The following ATXN1 variants were observed in gnomAD, a reference collection of about 807,000 sequenced individuals.
ATXN1 encodes the protein ataxin-1.
Under a neutral mutation model 56.4 loss-of-function variants are expected in ATXN1, and 8 were observed. That is an observed-to-expected ratio of 0.14 (90% CI 0.08 to 0.26). ATXN1 has a LOEUF of 0.26. Ranked by LOEUF, ATXN1 falls within the 10% of genes least tolerant of loss-of-function variation. ATXN1 has a pLI of 1.00. For missense variants in ATXN1, 987 were observed against 1,106.5 expected (o/e 0.89, Z 1.53); for synonymous variants, 514 against 494.6 (o/e 1.04, Z -0.52).
At chr6:16,665,361 G>A (rs1001117990) in intron 2 of ATXN1, among the ~76,000 whole-genome samples, 11 of 152,078 alleles carry the variant, frequency 7.2e-5, no homozygotes, top group African/African-American at 2.7e-4. Flanking sequence ...TTAGTTCAGT[G>A]AATTATGCAA....
chr6:16,714,303 C>T (rs1211575245), intron 2 of ATXN1, among the ~76,000 whole-genome samples: 1 of 151,892 alleles, frequency 6.6e-6, no homozygotes, highest in Non-Finnish European at 1.5e-5. Context: ...GGTAGGCCGC[C>T]CATCACTAGA....
chr6:16,711,940 T>G (rs139394947), intron 2 of ATXN1, among the ~76,000 whole-genome samples: 1 of 150,496 alleles, frequency 6.6e-6, no homozygotes, highest in Non-Finnish European at 1.5e-5. Flanking sequence ...AAAAATGATA[T>G]GCTGAACAAA....
chr6:16,683,440 C>T lies in ATXN1; in HGVS notation c.-614-25539G>A, dbSNP rs554653439. ...TTCAACTTTCCACCTCTGTTAACTA[C>T]GCTGCAGAAACTTTTGACACTGAAC... On this transcript the variant is annotated intron_variant, in intron 2 of 7. Coordinates refer to ENST00000436367, the MANE Select transcript of ATXN1 (RefSeq NM_001128164.2). Among the ~76,000 whole-genome samples the T allele has an allele frequency of 1.2e-4, 18 of 152,340 alleles. 1 individual carries two copies. Among genetic ancestry groups the T allele is most frequent in the Admixed American group, 2.6e-4 (4 of 15,306 alleles).
At chr6:16,375,395 G>A (rs1279818156) in intron 6 of ATXN1, among the ~76,000 whole-genome samples, 4 of 152,204 alleles carry the variant, frequency 2.6e-5, no homozygotes, top group African/African-American at 9.6e-5. Context: ...TGAGGAAACA[G>A]CTGTCAACAA....
At chr6:16,508,811 T>C (rs1049907706) in intron 5 of ATXN1, among the ~76,000 whole-genome samples, 4 of 152,008 alleles carry the variant, frequency 2.6e-5, no homozygotes, top group Admixed American at 2.0e-4. Context: ...CTCAAATTTG[T>C]ACACCCACAT....
intron 6 of ATXN1, among the ~76,000 whole-genome samples, chr6:16,369,220 C>T (rs1482850481): frequency 6.6e-6 from 1 of 152,178 alleles, no homozygotes; most frequent in Non-Finnish European, 1.5e-5. Flanking sequence ...TCTCTTGTTG[C>T]TTTCTAAATA....
chr6:16,501,758 T>C (rs1358142041), intron 5 of ATXN1, among the ~76,000 whole-genome samples: 4 of 152,194 alleles, frequency 2.6e-5, no homozygotes, highest in African/African-American at 9.7e-5. Context: ...GTCTTTACTA[T>C]TGTAAATACT....
chr6:16,535,235 G>A (rs1761574923), intron 4 of ATXN1, among the ~76,000 whole-genome samples: 1 of 152,158 alleles, frequency 6.6e-6, no homozygotes, highest in South Asian at 2.1e-4. Flanking sequence ...ATTTCTGCAA[G>A]CCCCAGCACC....
At chr6:16,678,388 AT>A (rs1437675844) in intron 2 of ATXN1, among the ~76,000 whole-genome samples, 2 of 152,266 alleles carry the variant, frequency 1.3e-5, no homozygotes, top group African/African-American at 2.4e-5. Flanking sequence ...GCCACATAGT[AT>A]ACCAATCATT....
chr6:16,698,581 A>G (rs1759214668), intron 2 of ATXN1, among the ~76,000 whole-genome samples: 1 of 151,964 alleles, frequency 6.6e-6, no homozygotes, highest in Non-Finnish European at 1.5e-5. Context: ...CTGTTCTTGA[A>G]GTATGAGAAT....
At chr6:16,457,463 C>T (rs574651148) in intron 6 of ATXN1, among the ~76,000 whole-genome samples, 14 of 151,732 alleles carry the variant, frequency 9.2e-5, no homozygotes, top group South Asian at 2.1e-4. Context: ...ACCCTTGAAA[C>T]GCATCCTAAG....
chr6:16,553,470 C>T (rs1398559505), intron 4 of ATXN1, among the ~76,000 whole-genome samples: 2 of 152,144 alleles, frequency 1.3e-5, no homozygotes, highest in Non-Finnish European at 1.5e-5. Context: ...TTTCTCAGTG[C>T]ACGGTAATTG....
intron 2 of ATXN1, among the ~76,000 whole-genome samples, chr6:16,712,427 C>T (rs707848): frequency 0.52 from 78,803 of 151,868 alleles, 20,657 homozygotes; most frequent in South Asian, 0.68. Flanking sequence ...AGGGGAAGAA[C>T]GGTGGTCTGC....
intron 4 of ATXN1, among the ~76,000 whole-genome samples, chr6:16,577,060 T>C (rs901803088): frequency 1.3e-5 from 2 of 152,176 alleles, no homozygotes; most frequent in Non-Finnish European, 2.9e-5. Flanking sequence ...CGTTTCAGTC[T>C]TCATCATGTG....
chr6:16,422,676 C>A (rs1179086626), intron 6 of ATXN1, among the ~76,000 whole-genome samples: 2 of 152,192 alleles, frequency 1.3e-5, no homozygotes, highest in Admixed American at 1.3e-4. Flanking sequence ...ACCCAAGACA[C>A]ACCTATGCCT....
intron 3 of ATXN1, among the ~76,000 whole-genome samples, chr6:16,625,808 G>C (rs1763396716): frequency 6.6e-6 from 1 of 151,870 alleles, no homozygotes; most frequent in Non-Finnish European, 1.5e-5. Context: ...TGAGCATTCT[G>C]GCAATGAAAA....
intron 3 of ATXN1, among the ~76,000 whole-genome samples, chr6:16,625,886 T>A (rs1310778407): frequency 6.6e-6 from 1 of 152,204 alleles, no homozygotes; most frequent in East Asian, 1.9e-4. Flanking sequence ...TACATAAATG[T>A]TCTGATCCCC....
At position 16,306,520 on chromosome 6, in the gene ATXN1, G is replaced by C. The variant is rs16885; in HGVS notation, c.2257C>G (p.Pro753Ala). 13 of 1,614,070 alleles carry C rather than the reference G, an allele frequency of 8.1e-6. No homozygotes were observed. The East Asian group carries it at 2.9e-4, about 36-fold the overall frequency. ...ATTTTGGTGAGGAAGGGCGCTGCAG[G>C]CAATCCCATTTTCTCTGGAAACTTC... ...ELKFPEKMGL[P>A]AAPFLTKIEP... is the part of the protein sequence containing the mutation. Residue 753 changes from proline (P) to alanine (A), a missense_variant, in exon 8 of 8, where the codon CCT becomes GCT. Pro to Ala is a conservative substitution (Grantham distance 27). Transcript: ENST00000436367. This position sits in a 1 kb window ranked among gnomAD's most constrained non-coding sequence, Gnocchi z 5.2.
At chr6:16,583,807 A>G (rs1042751182) in intron 4 of ATXN1, among the ~76,000 whole-genome samples, 2 of 152,206 alleles carry the variant, frequency 1.3e-5, no homozygotes, top group Non-Finnish European at 2.9e-5. Context: ...AATACAAATT[A>G]AATCCATTCA....
Sources: allele counts gnomAD v4.1 joint callset (sites outside exome capture counted in the v4.1 genomes callset), GRCh38; gene constraint gnomAD v4.1.1; non-coding constraint Gnocchi (gnomAD v3.1); transcripts MANE v1.5; gene names NCBI Gene and HGNC (gene_info 2026-07-23, HGNC 2026-07-21).